SYNE2: variants seen among roughly 807,000 people sequenced by gnomAD.
SYNE2 encodes the protein nesprin-2.
Under a neutral mutation model 856.3 loss-of-function variants are expected in SYNE2, and 431 were observed. The ratio of observed to expected loss-of-function variants is 0.50; its 90% CI spans 0.47 to 0.55. The LOEUF (loss-of-function observed/expected upper bound fraction) is 0.55, where lower values mean the gene tolerates loss of function less well. SYNE2 is among the 20% of genes least tolerant of loss of function. SYNE2 has a pLI of 0.00. For missense variants in SYNE2, 8,129 were observed against 8,023.2 expected (o/e 1.01, Z -0.50); for synonymous variants, 2,923 against 2,872.3 (o/e 1.02, Z -0.56).
intron 65 of SYNE2, among the ~76,000 whole-genome samples, chr14:64,108,712 G>A (rs2097786774): frequency 6.6e-6 from 1 of 151,558 alleles, no homozygotes. Flanking sequence ...TTCTCAAATT[G>A]TTACTCCTTT....
chr14:64,135,045 G>A (rs2098073723), intron 78 of SYNE2, among the ~76,000 whole-genome samples: 1 of 152,008 alleles, frequency 6.6e-6, no homozygotes, highest in African/African-American at 2.4e-5. Flanking sequence ...TTTTTGCGTT[G>A]TTATCATCTG....
At chr14:64,183,846 A>C (rs1262606594) in intron 96 of SYNE2, among the ~76,000 whole-genome samples, 1 of 151,796 alleles carries the variant, frequency 6.6e-6, no homozygotes, top group Admixed American at 6.6e-5. Context: ...GGGAGGTTGC[A>C]GTGAGGCCAG....
At chr14:64,145,854 C>G (rs1244072018) in intron 83 of SYNE2, among the ~76,000 whole-genome samples, 1 of 152,154 alleles carries the variant, frequency 6.6e-6, no homozygotes, top group Non-Finnish European at 1.5e-5. Flanking sequence ...AGCAGATTAG[C>G]TTTCACCTTA....
At chr14:63,965,012 G>T (rs1319620734) in intron 10 of SYNE2, among the ~76,000 whole-genome samples, 5 of 146,202 alleles carry the variant, frequency 3.4e-5, no homozygotes, top group African/African-American at 1.3e-4. Context: ...GCCCAGGCTA[G>T]AGTACAGTGG....
At chr14:63,796,914 C>T (rs1887934844) in intron 1 of SYNE2, among the ~76,000 whole-genome samples, 1 of 151,678 alleles carries the variant, frequency 6.6e-6, no homozygotes, top group East Asian at 1.9e-4. Context: ...CCTATCTCTA[C>T]TAAAGATACA....
At chr14:64,208,142 C>G (rs2140116530) in intron 100 of SYNE2, 1 of 456,094 alleles carries the variant, frequency 2.2e-6, no homozygotes, top group Non-Finnish European at 4.4e-6. Context: ...GACCCCACCT[C>G]TCTCCAAGCC....
chr14:63,917,693 C>A (rs1399551585), intron 2 of SYNE2, among the ~76,000 whole-genome samples: 1 of 152,132 alleles, frequency 6.6e-6, no homozygotes, highest in Non-Finnish European at 1.5e-5. Context: ...TGGTCTCTAA[C>A]CCCCAACCTC....
At chr14:64,098,227 T>C (rs765438251) in intron 62 of SYNE2, 81 bp downstream of exon 62, 24 of 1,465,812 alleles carry the variant, frequency 1.6e-5, no homozygotes, top group Non-Finnish European at 2.1e-5. Context: ...GAACGACCTG[T>C]GGCATCTATG....
Position 64,022,731 on chromosome 14 carries a change from C to T in SYNE2, c.5525-20C>T. 7.7e-7 allele frequency: 1 copy of T among 1,293,552 alleles called. No individual in the cohort carries two copies. The highest frequency in any genetic ancestry group is 1.1e-6 in the Non-Finnish European group (1 of 895,412). The allele number at this position is 1,293,552 out of a possible 1,614,324, so 80.1% of individuals were successfully genotyped here. On this transcript the variant is annotated intron_variant, in intron 37 of 115. Transcript: ENST00000555002. ...TGAAGTCTTCCTTGAATGAATAGAGCTTTTTTTTTCCCCCTGCAGATCAAT... is the reference window on the plus strand; with the variant it reads ...TGAAGTCTTCCTTGAATGAATAGAGTTTTTTTTTTCCCCCTGCAGATCAAT...
intron 99 of SYNE2, chr14:64,202,382 A>G: frequency 1.5e-6 from 1 of 676,060 alleles, no homozygotes; most frequent in Admixed American, 2.1e-5. Flanking sequence ...CCCAGGGTAG[A>G]TCACCGGCTG....
At chr14:63,893,730 G>A (rs1350138360) in intron 1 of SYNE2, among the ~76,000 whole-genome samples, 1 of 152,164 alleles carries the variant, frequency 6.6e-6, no homozygotes, top group African/African-American at 2.4e-5. Flanking sequence ...ACTAGAATCT[G>A]GAATCTGAAG....
At chr14:63,977,789 G>A in intron 12 of SYNE2, 116 bp from the exon 13 acceptor site, 1 of 752,832 alleles carries the variant, frequency 1.3e-6, no homozygotes, top group Non-Finnish European at 2.3e-6. Flanking sequence ...GTGGGTTGTG[G>A]GGAGGGTTTT....
chr14:64,138,078 T>A (rs930749406), intron 79 of SYNE2, 95 bp downstream of exon 79: 3 of 1,410,152 alleles, frequency 2.1e-6, no homozygotes, highest in East Asian at 5.0e-5. Flanking sequence ...GCAACCCACC[T>A]TATGCTGTTT....
Position 63,986,565 on chromosome 14 carries a change from A to C in SYNE2, c.2261A>C (p.Lys754Thr). ...GTGGAAATCTGGGAGGCAGAAGCCA[A>C]ATCTGTTTTGGATCAAGATGATGTG... ...GQVEIWEAEA[K>T]SVLDQDDVDT... Residue 754 changes from lysine to threonine, a missense_variant, in exon 19 of 116, where the codon AAA (lysine) becomes ACA (threonine). By Grantham distance (78) the Lys-to-Thr change is moderately conservative (BLOSUM62 -1). Around this residue, in one of 3 missense-constraint regions of SYNE2, gnomAD observed 2,422 missense variants for 2,357.4 expected, o/e 1.03. Transcript: ENST00000555002. The C allele has an allele frequency of 1.9e-6, 3 of 1,614,194 alleles. No homozygotes were observed. Among genetic ancestry groups the C allele is most frequent in the Non-Finnish European group, 1.7e-6 (2 of 1,180,022 alleles).
chr14:64,215,417 A>G (rs986977668), intron 107 of SYNE2, 63 bp downstream of exon 107: 3 of 1,512,782 alleles, frequency 2.0e-6, no homozygotes, highest in African/African-American at 2.7e-5. Context: ...TGCATCCTCA[A>G]CCTCGCTCCC....
At chr14:63,978,372 G>A (rs1229549146) in intron 13 of SYNE2, among the ~76,000 whole-genome samples, 1 of 152,092 alleles carries the variant, frequency 6.6e-6, no homozygotes, top group Non-Finnish European at 1.5e-5. Flanking sequence ...TCAAATGGGA[G>A]GAGGGATATG....
intron 1 of SYNE2, among the ~76,000 whole-genome samples, chr14:63,830,270 T>A (rs140154570): frequency 6.6e-6 from 1 of 152,032 alleles, no homozygotes; most frequent in East Asian, 1.9e-4. Flanking sequence ...TGAGGTTTTT[T>A]TTTTTTTTGA....
At position 64,163,387 on chromosome 14, in the gene SYNE2, C is replaced by T; in HGVS notation, c.16300-15C>T. 2 of 1,613,422 alleles carry T rather than the reference C, an allele frequency of 1.2e-6. No individual in the cohort carries two copies. Among genetic ancestry groups the T allele is most frequent in the Middle Eastern group, 3.6e-4 (2 of 5,578 alleles). ...AAGGAGGAAGAGGTGTTTGCCATCC[C>T]TTTTTCTTCTGCAGGAGCTGCAGCA... On this transcript the variant is annotated splice_polypyrimidine_tract_variant and intron_variant, in intron 88 of 115. Transcript: ENST00000555002.
At position 64,126,760 on chromosome 14, in the gene SYNE2, A is replaced by C. The variant is rs1312303674; in HGVS notation, c.13870A>C (p.Arg4624=). 6.2e-7 allele frequency: 1 copy of C among 1,613,956 alleles called. No homozygotes were observed. Among genetic ancestry groups the C allele is most frequent in the East Asian group, 2.2e-5 (1 of 44,896 alleles). The change falls in exon 73 of 116, where the codon AGA becomes CGA. Residue 4624 remains arginine (R), a synonymous_variant. Coordinates refer to ENST00000555002, the MANE Select transcript of SYNE2 (RefSeq NM_182914.3). The stretch of plus-strand genomic sequence containing the variant: ...GCACACTCAGGCTGCAGCTGTCTGT[A>C]GAAGCAAGTCCCTGAAAGCTGGCCT... ...LEHTQAAAVC[R]SKSLKAGLDY...
Sources: gnomAD v4.1 joint callset for allele counts (sites outside exome capture counted in the v4.1 genomes callset) on GRCh38, gnomAD v4.1.1 for gene constraint, gnomAD v4.1.1 regional missense constraint, MANE v1.5 for transcripts, NCBI Gene and HGNC (gene_info 2026-07-23, HGNC 2026-07-21) for gene names.